The following AOPEP variants were observed in gnomAD, a reference collection of about 807,000 sequenced individuals.
AOPEP encodes the protein aminopeptidase O.
In AOPEP, 77 loss-of-function variants were observed where a neutral mutation model predicts 98.1. The ratio of observed to expected loss-of-function variants is 0.78; its 90% confidence interval spans 0.65 to 0.95. The LOEUF is 0.95. Among genes scored for constraint, AOPEP ranks in the 40% least tolerant of loss-of-function variants. The pLI, the probability that AOPEP is intolerant of heterozygous loss-of-function variation, is 0.00. For missense variants in AOPEP, 1,024 were observed against 1,024.7 expected (o/e 1.00, Z 0.01); for synonymous variants, 346 against 365.3 (o/e 0.95, Z 0.60).
chr9:94,837,609 G>A (rs1358999813), intron 5 of AOPEP, among the ~76,000 whole-genome samples: 4 of 152,098 alleles, frequency 2.6e-5, no homozygotes, highest in Admixed American at 6.5e-5. Flanking sequence ...TTTAACATAC[G>A]CAAGTCAATA....
At chr9:94,767,135 T>C (rs928486325) in intron 2 of AOPEP, among the ~76,000 whole-genome samples, 1 of 152,252 alleles carries the variant, frequency 6.6e-6, no homozygotes, top group East Asian at 1.9e-4. Context: ...GCACCTTTTT[T>C]TCCCCTTACT....
At chr9:95,069,260 A>G (rs2134044296) in intron 14 of AOPEP, among the ~76,000 whole-genome samples, 1 of 152,322 alleles carries the variant, frequency 6.6e-6, no homozygotes, top group South Asian at 2.1e-4. Flanking sequence ...GAGGTCCTCC[A>G]GGCTGAATTC....
intron 13 of AOPEP, among the ~76,000 whole-genome samples, chr9:95,035,389 C>T (rs963347081): frequency 1.1e-4 from 16 of 151,638 alleles, no homozygotes; most frequent in Admixed American, 7.2e-4. Context: ...CCAGTTGGAA[C>T]ATCTTGAAAA....
intron 7 of AOPEP, among the ~76,000 whole-genome samples, chr9:94,945,693 G>A (rs1363976643): frequency 6.6e-6 from 1 of 152,152 alleles, no homozygotes; most frequent in African/African-American, 2.4e-5. Context: ...ATCAGATGAG[G>A]CGATCCTTCC....
chr9:94,870,079 C>T (rs761076872), intron 5 of AOPEP, among the ~76,000 whole-genome samples: 1 of 148,610 alleles, frequency 6.7e-6, no homozygotes, highest in African/African-American at 2.5e-5. Context: ...ACCTCCGCCT[C>T]CTGGGTTCAA....
intron 4 of AOPEP, among the ~76,000 whole-genome samples, chr9:94,797,229 CG>C (rs1564152155): frequency 6.6e-6 from 1 of 152,044 alleles, no homozygotes; most frequent in Admixed American, 6.5e-5. Flanking sequence ...GTCGGGAGAT[CG>C]AGACCATCCT....
At chr9:94,895,714 G>C (rs2049456109) in intron 5 of AOPEP, among the ~76,000 whole-genome samples, 1 of 152,014 alleles carries the variant, frequency 6.6e-6, no homozygotes, top group African/African-American at 2.4e-5. Flanking sequence ...TCAGCCTCTG[G>C]AGTAGCTGAT....
chr9:95,010,719 C>G (rs559017548), intron 13 of AOPEP, among the ~76,000 whole-genome samples: 1 of 152,182 alleles, frequency 6.6e-6, no homozygotes, highest in Non-Finnish European at 1.5e-5. Flanking sequence ...CCAGCCTACC[C>G]GTTTTCCCTC....
Position 94,955,890 on chromosome 9 carries a change from C to A in AOPEP, c.1765-18C>A. The A allele has an allele frequency of 6.4e-7, 1 of 1,573,666 alleles. No individual in the cohort carries two copies. Among genetic ancestry groups the A allele is most frequent in the Admixed American group, 1.7e-5 (1 of 58,094 alleles). ...TCATGGTAGGCCTCTTTTTCTCTCTCTTTTTTCTTTCTTCTAGGGCTACTT... is the reference window on the plus strand; with the variant it reads ...TCATGGTAGGCCTCTTTTTCTCTCTATTTTTTCTTTCTTCTAGGGCTACTT... On this transcript the variant is annotated intron_variant, in intron 8 of 16. Transcript: ENST00000375315.
intron 5 of AOPEP, chr9:94,824,787 A>G (rs917155055): frequency 2.2e-4 from 33 of 151,820 alleles, no homozygotes; most frequent in African/African-American, 8.0e-4. Flanking sequence ...ATTCTTTTAC[A>G]CTTCTTTTTT....
chr9:95,141,985 G>GTTTTTTTTTTTT, the AOPEP span, among the ~76,000 whole-genome samples: 1 of 83,138 alleles, frequency 1.2e-5, no homozygotes, highest in Non-Finnish European at 2.1e-5. Flanking sequence ...AGTTTGTGGG[G>GTTTTTTTTTTTT]TTTTTTTTTT....
chr9:94,984,056 C>T (rs1443723859), intron 11 of AOPEP, among the ~76,000 whole-genome samples: 9 of 147,262 alleles, frequency 6.1e-5, no homozygotes, highest in South Asian at 4.3e-4. Flanking sequence ...TTTTTTGAGA[C>T]GGAATCTCGC....
chr9:95,017,887 C>G (rs896323548), intron 13 of AOPEP, among the ~76,000 whole-genome samples: 2 of 152,236 alleles, frequency 1.3e-5, no homozygotes, highest in Admixed American at 1.3e-4. Flanking sequence ...GTAATTGAAT[C>G]ATACACTACT....
chr9:95,038,267 G>T (rs1028399939), intron 13 of AOPEP, among the ~76,000 whole-genome samples: 14 of 152,194 alleles, frequency 9.2e-5, no homozygotes, highest in African/African-American at 2.9e-4. Context: ...GAATGACAGG[G>T]TAGATAGGAA....
intron 13 of AOPEP, among the ~76,000 whole-genome samples, chr9:95,018,331 T>G (rs2063175643): frequency 6.6e-6 from 1 of 152,322 alleles, no homozygotes; most frequent in African/African-American, 2.4e-5. Context: ...GCCACTCCGG[T>G]GGGTGTTCAA....
chr9:94,751,545 A>G (rs562705165), intron 1 of AOPEP, among the ~76,000 whole-genome samples: 38 of 152,222 alleles, frequency 2.5e-4, no homozygotes, highest in Admixed American at 8.5e-4. Context: ...AGACAAAGAC[A>G]GAATGGAAGA....
At chr9:94,832,151 A>G (rs1480310410) in intron 5 of AOPEP, among the ~76,000 whole-genome samples, 2 of 152,224 alleles carry the variant, frequency 1.3e-5, no homozygotes, top group African/African-American at 2.4e-5. Flanking sequence ...AAGCAAAACA[A>G]ATGACTCATT....
chr9:94,919,742 A>C (rs149165972), intron 5 of AOPEP, among the ~76,000 whole-genome samples: 25 of 152,160 alleles, frequency 1.6e-4, no homozygotes, highest in Non-Finnish European at 3.2e-4. Flanking sequence ...TCACTTGTCC[A>C]GTTTAAATTA....
the AOPEP span, chr9:95,125,204 G>A: frequency 6.0e-5 from 95 of 1,593,188 alleles, no homozygotes; most frequent in Non-Finnish European, 7.6e-5. Context: ...TGCAAAGTCA[G>A]ATCAGAACAC....
Sources: gnomAD v4.1 joint callset for allele counts (sites outside exome capture counted in the v4.1 genomes callset) on GRCh38, gnomAD v4.1.1 for gene constraint, MANE v1.5 for transcripts, NCBI Gene and HGNC (gene_info 2026-07-23, HGNC 2026-07-21) for gene names.